FANCC: variants seen among roughly 807,000 people sequenced by gnomAD.
FANCC encodes Fanconi anemia group C protein.
A neutral mutation model predicts 71.3 loss-of-function variants in FANCC; 55 were observed. The ratio of observed to expected loss-of-function variants is 0.77; its 90% CI spans 0.62 to 0.97. FANCC has a LOEUF of 0.97. Among genes scored for constraint, FANCC ranks in the 50% least tolerant of loss-of-function variants. The pLI is 0.00. For missense variants in FANCC, 678 were observed against 670.9 expected, an observed-to-expected ratio of 1.01 and a Z score of -0.12; for synonymous variants, 275 against 244.9, an observed-to-expected ratio of 1.12 and a Z score of -1.15.
intron 4 of FANCC, among the ~76,000 whole-genome samples, chr9:95,198,658 C>T (rs1430947730): frequency 6.6e-6 from 1 of 152,142 alleles, no homozygotes; most frequent in Admixed American, 6.5e-5. Context: ...TGCATGCATC[C>T]GTTCATGATG....
At chr9:95,314,428 C>T (rs143122988) in intron 1 of FANCC, among the ~76,000 whole-genome samples, 4,936 of 152,128 alleles carry the variant, frequency 0.032, 276 homozygotes, top group African/African-American at 0.11. Flanking sequence ...CCGAGGCAGG[C>T]GGGTCACGAG....
At chr9:95,222,162 C>CAAAAA (rs60764731) in intron 4 of FANCC, among the ~76,000 whole-genome samples, 2 of 70,602 alleles carry the variant, frequency 2.8e-5, no homozygotes, top group Admixed American at 1.6e-4. Flanking sequence ...GGCCCCATCT[C>CAAAAA]AAAAAAAAAA....
chr9:95,313,130 G>C (rs547732166), intron 1 of FANCC, among the ~76,000 whole-genome samples: 27 of 152,332 alleles, frequency 1.8e-4, no homozygotes, highest in Non-Finnish European at 3.1e-4. Context: ...ATATGCCAAG[G>C]ACCTAGCGCT....
chr9:95,265,217 A>ACT (rs1832313658), intron 1 of FANCC, among the ~76,000 whole-genome samples: 1 of 152,156 alleles, frequency 6.6e-6, no homozygotes, highest in African/African-American at 2.4e-5. Flanking sequence ...TGTAAACAAA[A>ACT]TCTGGGCCTA....
chr9:95,305,538 A>G (rs1401255534), intron 1 of FANCC, among the ~76,000 whole-genome samples: 1 of 152,228 alleles, frequency 6.6e-6, no homozygotes, highest in African/African-American at 2.4e-5. Flanking sequence ...TCACACTAAT[A>G]CAATCCTTAA....
In FANCC at chr9:95,117,328, C is replaced by G; in HGVS notation, c.1059G>C (p.Leu353=). 6.2e-7 allele frequency: 1 copy of G among 1,614,048 alleles called. No individual in the cohort carries two copies. The highest frequency in any genetic ancestry group is 2.2e-5 in the East Asian group (1 of 44,872). ...ACCCTAACTCACCTTGAGGGTCTTG[C>G]AGCAGCACCATGGCAAGAGATGGAG... ...YTSPSLAMVL[L]QDPQDIPRGH... Residue 353 remains leucine (L), a synonymous_variant, in exon 11 of 15, where the codon CTG becomes CTC. Coordinates refer to ENST00000289081, the MANE Select transcript of FANCC (RefSeq NM_000136.3).
At chr9:95,304,376 T>A (rs1834945898) in intron 1 of FANCC, among the ~76,000 whole-genome samples, 1 of 152,036 alleles carries the variant, frequency 6.6e-6, no homozygotes, top group Non-Finnish European at 1.5e-5. Context: ...CTGCCCAGAT[T>A]TTCTTCTCAA....
intron 1 of FANCC, among the ~76,000 whole-genome samples, chr9:95,281,579 A>G (rs1343587509): frequency 6.6e-6 from 1 of 152,134 alleles, no homozygotes; most frequent in Non-Finnish European, 1.5e-5. Context: ...AATGAGCAAC[A>G]CAAAAACATC....
intron 10 of FANCC, among the ~76,000 whole-genome samples, chr9:95,124,424 T>C (rs544851365): frequency 2.0e-5 from 3 of 152,346 alleles, no homozygotes; most frequent in Admixed American, 6.5e-5. Flanking sequence ...TAATTGGTCA[T>C]TGACTCTTGG....
intron 1 of FANCC, among the ~76,000 whole-genome samples, chr9:95,313,222 G>A (rs886134831): frequency 6.6e-6 from 1 of 152,198 alleles, no homozygotes; most frequent in Non-Finnish European, 1.5e-5. Context: ...GCACACCCCA[G>A]GGAGCTAGCG....
intron 7 of FANCC, among the ~76,000 whole-genome samples, chr9:95,141,713 G>A (rs1375427702): frequency 1.3e-5 from 2 of 152,150 alleles, no homozygotes; most frequent in Non-Finnish European, 2.9e-5. Context: ...ATATGCAAGA[G>A]CATAACAGAC....
chr9:95,198,579 G>A (rs1235991188), intron 4 of FANCC, among the ~76,000 whole-genome samples: 3 of 152,264 alleles, frequency 2.0e-5, no homozygotes, highest in East Asian at 1.9e-4. Context: ...GGAAGGCAAG[G>A]CCACATGAGG....
At chr9:95,111,256 G>T in intron 13 of FANCC, 1 of 1,543,652 alleles carries the variant, frequency 6.5e-7, no homozygotes, top group Non-Finnish European at 8.7e-7. Context: ...GCAGCGTCTC[G>T]TCTCTGGCCA....
At chr9:95,262,097 T>C (rs972076489) in intron 1 of FANCC, among the ~76,000 whole-genome samples, 1 of 152,140 alleles carries the variant, frequency 6.6e-6, no homozygotes, top group Admixed American at 6.5e-5. Flanking sequence ...GATACAAAGA[T>C]ACACCACTGT....
chr9:95,101,785 C>T lies in FANCC; in HGVS notation c.1599G>A (p.Trp533Ter), dbSNP rs1057516455. The change falls in exon 15 of 15, where the codon TGG (tryptophan) becomes TGA (stop). Residue 533 changes from tryptophan (W) to a stop codon, truncating the protein, a stop_gained. Transcript: ENST00000289081. LOFTEE classifies it low-confidence loss of function (END_TRUNC). ...TAGGGCTTTCAATGCCAAGACGATT[C>T]CATCTGTACAAGGTCTGGTCAAGAA... ...IGFLDQTLYR[W>*]NRLGIESPRS... The T allele has an allele frequency of 6.2e-7, 1 of 1,614,146 alleles. No individual in the cohort carries two copies. The highest frequency in any genetic ancestry group is 1.1e-5 in the South Asian group (1 of 91,082).
chr9:95,123,780 G>A (rs186119389), intron 10 of FANCC: 15 of 699,298 alleles, frequency 2.1e-5, no homozygotes, highest in Middle Eastern at 3.4e-4. Flanking sequence ...GTCAGGAATC[G>A]ATCTTGTGAA....
intron 8 of FANCC, among the ~76,000 whole-genome samples, chr9:95,129,077 A>G (rs1318764698): frequency 6.6e-6 from 1 of 151,814 alleles, no homozygotes; most frequent in Non-Finnish European, 1.5e-5. Context: ...TAATTTTTGT[A>G]TTTTTAGTAG....
At chr9:95,115,637 G>A (rs1266507565) in intron 11 of FANCC, among the ~76,000 whole-genome samples, 1 of 152,198 alleles carries the variant, frequency 6.6e-6, no homozygotes, top group African/African-American at 2.4e-5. Context: ...TGCAGCATCT[G>A]CAAAAGTTTT....
rs576605250 is a variant in FANCC, at chr9:95,244,678, CAAAAAAAAAAAAAAAA to C, written c.250+2738_250+2753del. Among the ~76,000 whole-genome samples the C allele has an allele frequency of 1.8e-3, 76 of 41,578 alleles. 3 individuals carry two copies. The highest frequency in any genetic ancestry group is 0.015 in the South Asian group (8 of 540). The allele number at this position is 41,578 out of a possible 152,430, so 27.3% of individuals were successfully genotyped here. A position where few individuals can be genotyped will look rare whatever the true frequency, so the allele number is the denominator to read the frequency against. On this transcript the variant is annotated intron_variant, in intron 3 of 14. Coordinates refer to ENST00000289081, the MANE Select transcript of FANCC (RefSeq NM_000136.3). ...TAGGCAACAGAGCAAGACTTTGTCT[CAAAAAAAAAAAAAAAA>C]AAAAAAAAAAAAAAAAAAACCCAAC...
Sources: gnomAD v4.1 joint callset for allele counts (sites outside exome capture counted in the v4.1 genomes callset) on GRCh38, gnomAD v4.1.1 for gene constraint, MANE v1.5 for transcripts, NCBI Gene and HGNC (gene_info 2026-07-23, HGNC 2026-07-21) for gene names.